PDCD6: variants seen among roughly 807,000 people sequenced by gnomAD.
The protein encoded by PDCD6 is programmed cell death protein 6.
PDCD6 carries 12 observed loss-of-function variants against 28.3 expected under a neutral mutation model. The observed-to-expected ratio is 0.42, with a 90% CI of 0.27 to 0.69. PDCD6 has a LOEUF of 0.69. PDCD6 is among the 30% of genes least tolerant of loss of function. The pLI, the probability that PDCD6 is intolerant of heterozygous loss-of-function variation, is 0.22. For missense variants in PDCD6, 226 were observed against 269.9 expected, an observed-to-expected ratio of 0.84 and a Z score of 1.14; for synonymous variants, 92 against 108.0, an observed-to-expected ratio of 0.85 and a Z score of 0.92.
intron 2 of PDCD6, among the ~76,000 whole-genome samples, chr5:278,558 A>G (rs1043413904): frequency 1.3e-4 from 20 of 151,570 alleles, no homozygotes; most frequent in African/African-American, 4.8e-4. Context: ...AAAAAAAAAA[A>G]AAAATTTAGC....
At chr5:302,407 C>G (rs1341161923) in intron 2 of PDCD6, among the ~76,000 whole-genome samples, 2 of 94,318 alleles carry the variant, frequency 2.1e-5, no homozygotes, top group Non-Finnish European at 3.8e-5. Flanking sequence ...GTGTGTATGC[C>G]TCAGGTTCAG....
At chr5:276,949 T>A in intron 2 of PDCD6, 1 of 985,164 alleles carries the variant, frequency 1.0e-6, no homozygotes, top group Non-Finnish European at 1.2e-6. Flanking sequence ...TATCTTGAGT[T>A]TGATCCCTTT....
intron 2 of PDCD6, chr5:290,322 G>C (rs1407630725): frequency 7.8e-7 from 1 of 1,277,116 alleles, no homozygotes; most frequent in Non-Finnish European, 1.1e-6. Flanking sequence ...CAACGTCCAT[G>C]GCTTCCTGGA....
chr5:297,552 T>G (rs1405749869), intron 2 of PDCD6, among the ~76,000 whole-genome samples: 1 of 152,230 alleles, frequency 6.6e-6, no homozygotes, highest in Non-Finnish European at 1.5e-5. Context: ...TTGGTGAGAC[T>G]TGACCTGAGC....
intron 2 of PDCD6, among the ~76,000 whole-genome samples, chr5:282,008 C>G (rs1738603259): frequency 7.9e-6 from 1 of 127,074 alleles, no homozygotes; most frequent in Non-Finnish European, 1.6e-5. Flanking sequence ...AGCTGATATT[C>G]TAGTTTGAGG....
At chr5:280,132 A>G (rs1738474263) in intron 2 of PDCD6, among the ~76,000 whole-genome samples, 1 of 151,744 alleles carries the variant, frequency 6.6e-6, no homozygotes, top group East Asian at 1.9e-4. Context: ...AGAGGACACC[A>G]TGTGTTCATC....
intron 2 of PDCD6, among the ~76,000 whole-genome samples, chr5:302,101 T>TGTGTGTGTGC (rs1434438254): frequency 7.8e-6 from 1 of 127,450 alleles, no homozygotes; most frequent in African/African-American, 2.9e-5. Flanking sequence ...TGTGTGTGTG[T>TGTGTGTGTGC]GTGTGTGCCT....
intron 2 of PDCD6, among the ~76,000 whole-genome samples, chr5:288,326 A>G (rs1430137278): frequency 6.8e-6 from 1 of 147,998 alleles, no homozygotes; most frequent in Non-Finnish European, 1.5e-5. Context: ...ATATGTATAT[A>G]TAACTTAAAG....
chr5:279,263 T>A (rs563104549), intron 2 of PDCD6, among the ~76,000 whole-genome samples: 1 of 152,020 alleles, frequency 6.6e-6, no homozygotes, highest in East Asian at 1.9e-4. Context: ...GATGGACTTA[T>A]AGGTGTTGCT....
At chr5:289,322 T>A (rs1472719331) in intron 2 of PDCD6, 1 of 545,996 alleles carries the variant, frequency 1.8e-6, no homozygotes. Flanking sequence ...CAAGGAGTTC[T>A]ATTATGTACA....
At chr5:297,393 ACT>A (rs1289978396) in intron 2 of PDCD6, among the ~76,000 whole-genome samples, 1 of 152,124 alleles carries the variant, frequency 6.6e-6, no homozygotes, top group African/African-American at 2.4e-5. Flanking sequence ...TGTAAATGAG[ACT>A]CTCATGGAAA....
chr5:298,077 A>G (rs1212519146), intron 2 of PDCD6, among the ~76,000 whole-genome samples: 3 of 152,186 alleles, frequency 2.0e-5, no homozygotes, highest in Non-Finnish European at 2.9e-5. Flanking sequence ...CAGCTCTGCT[A>G]TCGATATCAG....
chr5:294,856 G>C (rs1239110179), intron 2 of PDCD6, among the ~76,000 whole-genome samples: 1 of 152,188 alleles, frequency 6.6e-6, no homozygotes, highest in African/African-American at 2.4e-5. Context: ...CCAACCAGCA[G>C]TGGAAGGATG....
chr5:301,616 A>G (rs1740055633), intron 2 of PDCD6, among the ~76,000 whole-genome samples: 1 of 151,974 alleles, frequency 6.6e-6, no homozygotes, highest in Non-Finnish European at 1.5e-5. Context: ...CCTCAGGTTC[A>G]GGTGCACCTG....
Position 306,633 on chromosome 5 carries a change from G to A in PDCD6, c.240G>A (p.Val80=). The change falls in exon 4 of 6, where the codon GTG becomes GTA. Residue 80 remains valine, a synonymous_variant. Coordinates refer to ENST00000264933, the MANE Select transcript of PDCD6 (RefSeq NM_013232.4). ...TTGACCGTGAGAACAAGGCCGGCGT[G>A]AACTTCAGCGAGTTCACGGGTGTGT... ...SMFDRENKAG[V]NFSEFTGVWK... 6.2e-7 allele frequency: 1 copy of A among 1,613,984 alleles called. No homozygotes were observed. The highest frequency in any genetic ancestry group is 8.5e-7 in the Non-Finnish European group (1 of 1,180,022).
intron 2 of PDCD6, chr5:273,073 G>A (rs1418938739): frequency 2.7e-6 from 1 of 366,174 alleles, no homozygotes; most frequent in East Asian, 4.5e-5. Context: ...CTGTACAGCC[G>A]AAAGCCTTTT....
intron 2 of PDCD6, among the ~76,000 whole-genome samples, chr5:285,950 G>A (rs1428270206): frequency 1.3e-5 from 2 of 149,894 alleles, no homozygotes; most frequent in Admixed American, 6.6e-5. Context: ...GAGACCCGGC[G>A]GGTAGCTGAT....
At chr5:297,247 A>G (rs1229919723) in intron 2 of PDCD6, among the ~76,000 whole-genome samples, 1 of 152,256 alleles carries the variant, frequency 6.6e-6, no homozygotes, top group African/African-American at 2.4e-5. Flanking sequence ...ATCTTCCTGA[A>G]TCACTGTGGA....
At chr5:289,765 G>A in intron 2 of PDCD6, 1 of 953,068 alleles carries the variant, frequency 1.0e-6, no homozygotes, top group Non-Finnish European at 1.7e-6. Context: ...TGTTGTCATG[G>A]GGGCTGACAA....
Sources: allele counts gnomAD v4.1 joint callset (sites outside exome capture counted in the v4.1 genomes callset), GRCh38; gene constraint gnomAD v4.1.1; transcripts MANE v1.5; gene names NCBI Gene and HGNC (gene_info 2026-07-23, HGNC 2026-07-21).